Variants in RUVBL1 observed in about 807,000 individuals in gnomAD.
RUVBL1 encodes the protein RuvB like AAA ATPase 1.
RUVBL1 carries 4 observed loss-of-function variants against 52.4 expected under a neutral mutation model. The observed-to-expected ratio is 0.08, with a 90% CI of 0.04 to 0.17. The LOEUF is 0.17. Among genes scored for constraint, RUVBL1 ranks in the 10% least tolerant of loss-of-function variants. The pLI is 1.00. For missense variants in RUVBL1, 298 were observed against 572.8 expected, an observed-to-expected ratio of 0.52 and a Z score of 4.90; for synonymous variants, 217 against 214.4, an observed-to-expected ratio of 1.01 and a Z score of -0.10.
At chr3:128,077,837 G>C (rs1021574151), downstream of RUVBL1, among the ~76,000 whole-genome samples, 1 of 152,204 alleles carries the variant, frequency 6.6e-6, no homozygotes, top group Non-Finnish European at 1.5e-5. Context: ...GACAAACTGT[G>C]ACCTCTTTCC....
At position 128,081,159 on chromosome 3, in the gene RUVBL1, G is replaced by T; in HGVS notation, c.*91C>A. The T allele has an allele frequency of 7.3e-7, 1 of 1,375,108 alleles. No homozygotes were observed. The highest frequency in any genetic ancestry group is 1.3e-5 in the South Asian group (1 of 74,972). 85.2% of individuals were successfully genotyped at this position (1,375,108 alleles called of 1,614,324 possible). ...CTGCAGACCACGCCTGAGTGGGGACGGCAGCCCCAAGCCCAGGGGCAAGCG... is the reference window on the plus strand; with the variant it reads ...CTGCAGACCACGCCTGAGTGGGGACTGCAGCCCCAAGCCCAGGGGCAAGCG... On this transcript the variant is annotated 3_prime_UTR_variant, in exon 11 of 11. Transcript: ENST00000322623. This position sits in a 1 kb window ranked among gnomAD's most constrained non-coding sequence, Gnocchi z 4.8.
At chr3:128,127,257 T>G (rs150086162), upstream of RUVBL1, among the ~76,000 whole-genome samples, 294 of 152,350 alleles carry the variant, frequency 1.9e-3, 1 homozygote, top group African/African-American at 6.6e-3. Context: ...TTAAGATGTT[T>G]GAGTTAGATT....
At chr3:128,151,589 C>A (rs1043779545) in intron 1 of RUVBL1, among the ~76,000 whole-genome samples, 1 of 151,982 alleles carries the variant, frequency 6.6e-6, no homozygotes, top group African/African-American at 2.4e-5. Context: ...CGTATTTTTA[C>A]AGTTTCCTAT....
downstream of RUVBL1, among the ~76,000 whole-genome samples, chr3:128,076,498 G>A (rs1282299925): frequency 3.3e-5 from 5 of 152,320 alleles, no homozygotes; most frequent in Non-Finnish European, 7.3e-5. The surrounding 1 kb of genome is among the most constrained non-coding windows in gnomAD (Gnocchi z 6.8). Context: ...GGTCCTGACC[G>A]TCTAGTCTGG....
chr3:128,142,499 T>C (rs897860793), intron 1 of RUVBL1, among the ~76,000 whole-genome samples: 1 of 152,306 alleles, frequency 6.6e-6, no homozygotes, highest in South Asian at 2.1e-4. Context: ...TTATATTGGT[T>C]TCCTATTGCT....
chr3:128,101,611 C>T lies in RUVBL1; in HGVS notation c.551G>A (p.Arg184Gln), dbSNP rs1319441844. The change falls in exon 5 of 11, where the codon CGA becomes CAA. Residue 184 changes from arginine to glutamine, a missense_variant. Arg to Gln is a conservative substitution (Grantham distance 43, BLOSUM62 1). Around this residue, in one of 5 missense-constraint regions of RUVBL1, gnomAD observed 58 missense variants for 83.2 expected, o/e 0.70. Transcript: ENST00000322623. ...PSIFESLQKE[R>Q]VEAGDVIYIE... is the part of the protein sequence containing the mutation. ...GTAAATCACATCTCCAGCTTCTACT[C>T]GCTCTTTCTGCAAACTTTCAAAAAT... 1.1e-5 allele frequency: 18 copies of T among 1,613,888 alleles called. No individual in the cohort carries two copies. Among genetic ancestry groups the T allele is most frequent in the South Asian group, 2.2e-5 (2 of 91,082 alleles).
chr3:128,123,438 G>A (rs1016959054), intron 1 of RUVBL1, 146 bp downstream of exon 1: 46 of 1,044,688 alleles, frequency 4.4e-5, no homozygotes, highest in Non-Finnish European at 5.4e-5. Flanking sequence ...CCCTCCCCGA[G>A]CCCCTGGCCC....
intron 9 of RUVBL1, chr3:128,069,605 T>C: frequency 3.7e-6 from 6 of 1,613,852 alleles, no homozygotes; most frequent in Non-Finnish European, 5.1e-6. Context: ...ACCAGTACTT[T>C]GAGATCTTCG....
intron 9 of RUVBL1, among the ~76,000 whole-genome samples, chr3:128,086,693 TA>T (rs1475554774): frequency 6.6e-6 from 1 of 152,094 alleles, no homozygotes; most frequent in Non-Finnish European, 1.5e-5. Flanking sequence ...ATGTAAAAAA[TA>T]AAATAGATGG....
chr3:128,083,571 G>C (rs933962930), intron 9 of RUVBL1: 1 of 152,290 alleles, frequency 6.6e-6, no homozygotes, highest in African/African-American at 2.4e-5. Flanking sequence ...TTGGGCTTGG[G>C]GGACAGCACA....
chr3:128,136,690 C>A (rs1310786768), intron 1 of RUVBL1, among the ~76,000 whole-genome samples: 2 of 148,576 alleles, frequency 1.3e-5, no homozygotes, highest in African/African-American at 5.0e-5. Flanking sequence ...AAGACACACA[C>A]AGATGGAAAA....
intron 3 of RUVBL1, among the ~76,000 whole-genome samples, chr3:128,107,213 G>A (rs1943263134): frequency 2.0e-5 from 3 of 152,102 alleles, no homozygotes; most frequent in African/African-American, 4.8e-5. Flanking sequence ...AATGAATCAC[G>A]CCCTGGCTGT....
intron 3 of RUVBL1, among the ~76,000 whole-genome samples, chr3:128,105,941 C>T (rs1943225001): frequency 7.2e-6 from 1 of 139,082 alleles, no homozygotes; most frequent in Admixed American, 8.0e-5. Flanking sequence ...GCGAACTTGG[C>T]TCACAGCAAG....
intron 1 of RUVBL1, among the ~76,000 whole-genome samples, chr3:128,146,231 C>A (rs965279618): frequency 3.9e-5 from 6 of 152,030 alleles, no homozygotes; most frequent in African/African-American, 1.2e-4. Flanking sequence ...GTGGCTGGAG[C>A]CAGAAGAAAA....
chr3:128,080,988 AACTT>A lies in RUVBL1; in HGVS notation c.*258_*261del, dbSNP rs1942456165. On this transcript the variant is annotated 3_prime_UTR_variant, in exon 11 of 11. Transcript: ENST00000322623. ...TGTTCTGAAAAGTTTATTTTTAAAAAACTTAGAGAGAGAGAGAGAGAGAATCAAA... is the reference window on the plus strand; with the variant it reads ...TGTTCTGAAAAGTTTATTTTTAAAAAAGAGAGAGAGAGAGAGAGAATCAAA... 7.5e-6 allele frequency: 3 copies of A among 400,270 alleles called. No individual in the cohort carries two copies. Among genetic ancestry groups the A allele is most frequent in the Non-Finnish European group, 1.3e-5 (3 of 224,762 alleles). 24.8% of individuals were successfully genotyped at this position (400,270 alleles called of 1,614,324 possible). A position where few individuals can be genotyped will look rare whatever the true frequency, so the allele number is the denominator to read the frequency against.
exon 1 of RUVBL1, chr3:128,153,609 C>A: frequency 2.5e-6 from 4 of 1,595,446 alleles, no homozygotes; most frequent in Non-Finnish European, 3.4e-6. Context: ...CCTCCACCGC[C>A]GCCTTTGACA....
exon 10 of RUVBL1, chr3:128,065,105 A>G: frequency 6.7e-7 from 1 of 1,494,216 alleles, no homozygotes; most frequent in East Asian, 2.3e-5. Flanking sequence ...CCTTGTGTGC[A>G]GTCCCCCACT....
At chr3:128,089,900 A>G (rs1247518344) in intron 8 of RUVBL1, among the ~76,000 whole-genome samples, 1 of 104,354 alleles carries the variant, frequency 9.6e-6, no homozygotes, top group African/African-American at 3.9e-5. Flanking sequence ...ACAGAGTGAG[A>G]CCCTATCTCA....
rs552189158 is a variant in RUVBL1 at position 128,088,974 on chromosome 3, T to G, written c.1017-1166A>C. Among the ~76,000 whole-genome samples the G allele has an allele frequency of 1.1e-4, 16 of 152,286 alleles. No individual in the cohort carries two copies. In the East Asian group the frequency reaches 2.9e-3, roughly 28 times the overall value. ...AACCCTGAATAGCTACTTGAATGAA[T>G]AACTATCCTAATTTATAGAGCTACA... On this transcript the variant is annotated intron_variant, in intron 8 of 10. Coordinates refer to ENST00000322623, the MANE Select transcript of RUVBL1 (RefSeq NM_003707.3).
Sources: allele counts gnomAD v4.1 joint callset (sites outside exome capture counted in the v4.1 genomes callset), GRCh38; gene constraint gnomAD v4.1.1; regional missense constraint gnomAD v4.1.1; non-coding constraint Gnocchi (gnomAD v3.1); transcripts MANE v1.5; gene names NCBI Gene and HGNC (gene_info 2026-07-23, HGNC 2026-07-21).